The following ST8SIA6 variants were observed in gnomAD, a reference collection of about 807,000 sequenced individuals.
ST8SIA6 encodes the protein alpha-2,8-sialyltransferase 8F.
A neutral mutation model predicts 33.6 loss-of-function variants in ST8SIA6; 39 were observed. The ratio of observed to expected loss-of-function variants is 1.16; its 90% CI spans 0.90 to 1.52. The LOEUF (loss-of-function observed/expected upper bound fraction) is 1.52. Ranked by LOEUF, ST8SIA6 falls within the 40% of genes most tolerant of loss-of-function variation. The pLI is 0.00. For synonymous variants in ST8SIA6, 172 were observed against 167.2 expected (o/e 1.03, Z -0.22); for missense variants, 441 against 443.8 (o/e 0.99, Z 0.06).
intron 3 of ST8SIA6, among the ~76,000 whole-genome samples, chr10:17,380,231 C>G (rs949698667): frequency 2.0e-5 from 3 of 152,164 alleles, no homozygotes; most frequent in Non-Finnish European, 2.9e-5. Context: ...TTTCCTGCTT[C>G]TAGCATGGTA....
chr10:17,340,896 C>T (rs1216438632), intron 4 of ST8SIA6, among the ~76,000 whole-genome samples: 1 of 152,170 alleles, frequency 6.6e-6, no homozygotes, highest in Non-Finnish European at 1.5e-5. Flanking sequence ...CCCTAGCTGC[C>T]CAGCCTCCAC....
chr10:17,375,288 TG>T (rs1179715270), intron 3 of ST8SIA6, among the ~76,000 whole-genome samples: 1 of 152,236 alleles, frequency 6.6e-6, no homozygotes, highest in Admixed American at 6.5e-5. Flanking sequence ...TTCTTCCTGA[TG>T]GACAACTTGA....
At chr10:17,441,923 C>T (rs1016450214) in intron 2 of ST8SIA6, among the ~76,000 whole-genome samples, 1 of 150,024 alleles carries the variant, frequency 6.7e-6, no homozygotes, top group African/African-American at 2.5e-5. Context: ...GGCTGGAGTG[C>T]AGTGGTGTGA....
Position 17,320,914 on chromosome 10 carries a change from G to A in ST8SIA6, c.1161C>T (p.Ile387=). ...SQILQLHMKG[I]LKLQFSKCEV... is the part of the protein sequence containing the mutation. ...CACATTTGCTAAATTGCAGTTTGAG[G>A]ATTCCTTTCATGTGAAGTTGGAGGA... Residue 387 remains isoleucine, a synonymous_variant, in exon 8 of 8, where the codon ATC becomes ATT. Transcript: ENST00000377602. 1 of 1,614,038 alleles carries A rather than the reference G, an allele frequency of 6.2e-7. No individual in the cohort carries two copies. The highest frequency in any genetic ancestry group is 8.5e-7 in the Non-Finnish European group (1 of 1,179,942).
At chr10:17,435,730 G>A (rs1197205335) in intron 2 of ST8SIA6, among the ~76,000 whole-genome samples, 1 of 151,348 alleles carries the variant, frequency 6.6e-6, no homozygotes, top group African/African-American at 2.4e-5. Flanking sequence ...TGGGGGGCAG[G>A]CAATACAAGA....
intron 2 of ST8SIA6, among the ~76,000 whole-genome samples, chr10:17,453,354 T>C (rs1852987868): frequency 2.0e-5 from 3 of 151,958 alleles, no homozygotes; most frequent in Non-Finnish European, 4.4e-5. Context: ...TCAAAGACCA[T>C]TCACATCCAG....
intron 3 of ST8SIA6, among the ~76,000 whole-genome samples, chr10:17,360,001 G>T (rs1452938938): frequency 1.3e-5 from 2 of 152,088 alleles, no homozygotes; most frequent in Non-Finnish European, 2.9e-5. Context: ...ACCTTGGAAT[G>T]TATAGGCAAA....
chr10:17,406,876 C>G (rs992468590), intron 2 of ST8SIA6, among the ~76,000 whole-genome samples: 1 of 148,064 alleles, frequency 6.8e-6, no homozygotes, highest in Non-Finnish European at 1.5e-5. Flanking sequence ...CTCACCAAAA[C>G]CTCCGCCTCC....
chr10:17,419,707 G>A (rs1166214907), intron 2 of ST8SIA6, among the ~76,000 whole-genome samples: 2 of 152,186 alleles, frequency 1.3e-5, no homozygotes, highest in Non-Finnish European at 2.9e-5. Flanking sequence ...GGAACAATAT[G>A]CCATCTGCTC....
intron 3 of ST8SIA6, among the ~76,000 whole-genome samples, chr10:17,369,146 T>C (rs1270098918): frequency 6.6e-6 from 1 of 152,228 alleles, no homozygotes; most frequent in Non-Finnish European, 1.5e-5. Context: ...GTTAAGTGGT[T>C]GTTATATTCA....
chr10:17,442,807 C>T (rs561897953), intron 2 of ST8SIA6, among the ~76,000 whole-genome samples: 1 of 152,126 alleles, frequency 6.6e-6, no homozygotes, highest in Non-Finnish European at 1.5e-5. Flanking sequence ...CACATAAGCA[C>T]ACAACTATAA....
chr10:17,336,193 G>A (rs1848493712), intron 4 of ST8SIA6, among the ~76,000 whole-genome samples: 1 of 151,984 alleles, frequency 6.6e-6, no homozygotes, highest in Admixed American at 6.6e-5. Context: ...CTGACCTCAA[G>A]TGATTTGCCC....
At chr10:17,324,766 C>A (rs1848067393) in intron 6 of ST8SIA6, among the ~76,000 whole-genome samples, 1 of 143,452 alleles carries the variant, frequency 7.0e-6, no homozygotes, top group Admixed American at 7.0e-5. Flanking sequence ...ATGGTATGTA[C>A]CATACCATGC....
At position 17,453,675 on chromosome 10, in the gene ST8SIA6, AAACTT is replaced by A; in HGVS notation, c.102-23_102-19del. ...CCAGAATCCTGCACAGCCGGGGAGAAAACTTAAGTTGCTACACCCCGCCGGGAGCT... is the reference window on the plus strand; with the variant it reads ...CCAGAATCCTGCACAGCCGGGGAGAAAAGTTGCTACACCCCGCCGGGAGCT... On this transcript the variant is annotated intron_variant, in intron 1 of 7. Transcript: ENST00000377602. 1 of 1,298,386 alleles carries A rather than the reference AAACTT, an allele frequency of 7.7e-7. No individual in the cohort carries two copies. Among genetic ancestry groups the A allele is most frequent in the Non-Finnish European group, 9.9e-7 (1 of 1,014,474 alleles). The allele number at this position is 1,298,386 out of a possible 1,614,324, so 80.4% of individuals were successfully genotyped here.
chr10:17,357,132 C>CT (rs202142043), intron 4 of ST8SIA6, among the ~76,000 whole-genome samples: 25,563 of 137,618 alleles, frequency 0.19, 2,474 homozygotes, highest in East Asian at 0.49. Context: ...GCCTTCAGTT[C>CT]TTTTTTTTTT....
chr10:17,349,790 G>C (rs1031138849), intron 4 of ST8SIA6, among the ~76,000 whole-genome samples: 14 of 152,078 alleles, frequency 9.2e-5, no homozygotes, highest in African/African-American at 3.4e-4. Context: ...CTAGAAACCA[G>C]ACTGTACTCC....
At chr10:17,409,309 A>G (rs746570) in intron 2 of ST8SIA6, 65,565 of 152,498 alleles carry the variant, frequency 0.43, 14,828 homozygotes, top group East Asian at 0.61. Flanking sequence ...CATGTTTTAT[A>G]TTCATTTTCA....
intron 4 of ST8SIA6, among the ~76,000 whole-genome samples, chr10:17,332,547 C>A (rs1404468872): frequency 6.6e-6 from 1 of 152,174 alleles, no homozygotes; most frequent in East Asian, 1.9e-4. Flanking sequence ...TCACTGCAAC[C>A]TCTGCCTCCT....
chr10:17,350,508 G>A (rs1247268227), intron 4 of ST8SIA6, among the ~76,000 whole-genome samples: 1 of 152,124 alleles, frequency 6.6e-6, no homozygotes, highest in Non-Finnish European at 1.5e-5. Flanking sequence ...GGGCCACATA[G>A]TGAGACCCTA....
Sources: gnomAD v4.1 joint callset for allele counts (sites outside exome capture counted in the v4.1 genomes callset) on GRCh38, gnomAD v4.1.1 for gene constraint, MANE v1.5 for transcripts, NCBI Gene and HGNC (gene_info 2026-07-23, HGNC 2026-07-21) for gene names.